The following SBF2 variants were observed in gnomAD, a reference collection of about 807,000 sequenced individuals.
SBF2 encodes myotubularin-related protein 13.
A neutral mutation model predicts 225.2 loss-of-function variants in SBF2; 112 were observed. The observed-to-expected ratio is 0.50, with a 90% confidence interval of 0.43 to 0.58. The LOEUF is 0.58. SBF2 is among the 20% of genes least tolerant of loss of function. The probability of loss-of-function intolerance (pLI) is 0.00; values close to 1 mark genes in which losing one functional copy is unlikely to be tolerated. For synonymous variants in SBF2, 763 were observed against 773.3 expected, an observed-to-expected ratio of 0.99 and a Z score of 0.22; for missense variants, 1,996 against 2,206.2, an observed-to-expected ratio of 0.90 and a Z score of 1.91.
intron 16 of SBF2, among the ~76,000 whole-genome samples, chr11:9,944,434 T>C (rs1186997009): frequency 6.6e-6 from 1 of 152,158 alleles, no homozygotes; most frequent in Non-Finnish European, 1.5e-5. Context: ...TAGAAAACAA[T>C]ACCAAGTTGA....
intron 1 of SBF2, among the ~76,000 whole-genome samples, chr11:10,197,010 G>A (rs1003448959): frequency 8.6e-5 from 13 of 151,336 alleles, no homozygotes; most frequent in Non-Finnish European, 1.3e-4. Flanking sequence ...TACAATAAAC[G>A]TCTTTATTTA....
intron 31 of SBF2, 80 bp from the exon 32 acceptor site, chr11:9,808,265 G>A: frequency 8.3e-7 from 1 of 1,211,630 alleles, no homozygotes; most frequent in Non-Finnish European, 1.2e-6. Flanking sequence ...ACTTCCTTCT[G>A]ATGATAGCTA....
chr11:9,828,616 G>T, intron 28 of SBF2: 1 of 985,396 alleles, frequency 1.0e-6, no homozygotes, highest in East Asian at 1.1e-4. Flanking sequence ...ACCCTTTGGG[G>T]TTCCATCACA....
intron 1 of SBF2, among the ~76,000 whole-genome samples, chr11:10,211,831 C>T (rs554553813): frequency 2.0e-5 from 3 of 152,298 alleles, no homozygotes; most frequent in Non-Finnish European, 4.4e-5. Flanking sequence ...TAGTTAACTA[C>T]CAAGTGCCTG....
chr11:10,153,400 C>T (rs1280957097), intron 2 of SBF2, among the ~76,000 whole-genome samples: 1 of 152,070 alleles, frequency 6.6e-6, no homozygotes. Context: ...CAAAATCTCA[C>T]AATATTAGGA....
chr11:10,071,263 CTCTTT>C (rs1203966737), intron 2 of SBF2, among the ~76,000 whole-genome samples: 3 of 124,932 alleles, frequency 2.4e-5, no homozygotes, highest in Non-Finnish European at 3.3e-5. Flanking sequence ...TTCTCTCTCT[CTCTTT>C]TTTTTTTTTT....
chr11:9,853,540 C>G lies in SBF2; in HGVS notation c.2536G>C (p.Gly846Arg). ...TCTCTAATATCTGCAGAGTGATTAC[C>G]TGGTATCATGCAATGAAGGCTCTTG... ...HIKSLHCMIP[G>R]IVAMHIETLE... The change falls in exon 20 of 40, where the codon GGA (glycine) becomes CGA (arginine). Residue 846 changes from glycine (G) to arginine (R), a missense_variant and splice_region_variant. By Grantham distance (125) the Gly-to-Arg change is moderately radical. Coordinates refer to ENST00000256190, the MANE Select transcript of SBF2 (RefSeq NM_030962.4). 1 of 1,612,984 alleles carries G rather than the reference C, an allele frequency of 6.2e-7. No individual in the cohort carries two copies. The highest frequency in any genetic ancestry group is 8.5e-7 in the Non-Finnish European group (1 of 1,179,064).
chr11:9,901,062 T>C (rs920766670), intron 16 of SBF2, among the ~76,000 whole-genome samples: 1 of 152,188 alleles, frequency 6.6e-6, no homozygotes, highest in African/African-American at 2.4e-5. Flanking sequence ...ACTTATGGAT[T>C]TTTATTTCTT....
intron 16 of SBF2, among the ~76,000 whole-genome samples, chr11:9,943,017 GAA>G (rs1865374221): frequency 1.3e-5 from 2 of 151,874 alleles, no homozygotes; most frequent in African/African-American, 4.8e-5. Flanking sequence ...GAAAGAGAAA[GAA>G]AGATTGTGAT....
chr11:10,101,962 CTTGTT>C (rs1346622179), intron 2 of SBF2, among the ~76,000 whole-genome samples: 2 of 152,030 alleles, frequency 1.3e-5, no homozygotes, highest in Admixed American at 6.6e-5. Context: ...GAAACTTTGT[CTTGTT>C]TTATGTCCTT....
intron 1 of SBF2, among the ~76,000 whole-genome samples, chr11:10,275,704 C>T: frequency 6.6e-6 from 1 of 150,408 alleles, no homozygotes; most frequent in South Asian, 2.1e-4. Context: ...AAAACCAATA[C>T]ACTAGAAGGA....
At chr11:10,032,413 C>T (rs1949294908) in intron 3 of SBF2, among the ~76,000 whole-genome samples, 1 of 152,144 alleles carries the variant, frequency 6.6e-6, no homozygotes. Context: ...ACTTTGCTTC[C>T]TTGCTGCTCT....
At chr11:10,234,624 T>C (rs747933128) in intron 1 of SBF2, among the ~76,000 whole-genome samples, 52 of 152,334 alleles carry the variant, frequency 3.4e-4, no homozygotes, top group Admixed American at 1.8e-3. Context: ...CATGTGCAGC[T>C]ATAACAGCTT....
chr11:9,861,415 G>A (rs1364866765), intron 17 of SBF2, among the ~76,000 whole-genome samples: 2 of 152,178 alleles, frequency 1.3e-5, no homozygotes, highest in Non-Finnish European at 2.9e-5. Context: ...TGTAATCCAA[G>A]CACTTTGGGA....
chr11:10,227,752 T>C (rs538861605), intron 1 of SBF2, among the ~76,000 whole-genome samples: 2 of 152,282 alleles, frequency 1.3e-5, no homozygotes, highest in African/African-American at 4.8e-5. Context: ...ACTCAGGTAG[T>C]GTGATGCCTC....
In SBF2 at chr11:9,825,023, T is replaced by C. The variant is rs556118587; in HGVS notation, c.3793+4333A>G. On this transcript the variant is annotated intron_variant, in intron 28 of 39. Coordinates refer to ENST00000256190, the MANE Select transcript of SBF2 (RefSeq NM_030962.4). Reference sequence around the variant, plus strand: ...TGTATCTTAAACTTTAAAATAATAGTACTCTAAAAATTCAGAAAAATGATA... The same window carrying C: ...TGTATCTTAAACTTTAAAATAATAGCACTCTAAAAATTCAGAAAAATGATA... 2.0e-5 allele frequency among the ~76,000 whole-genome samples: 3 copies of C among 152,250 alleles called. No homozygotes were observed. The South Asian group carries it at 6.2e-4, about 32-fold the overall frequency.
At chr11:10,093,201 G>A (rs1951854636) in intron 2 of SBF2, among the ~76,000 whole-genome samples, 1 of 151,608 alleles carries the variant, frequency 6.6e-6, no homozygotes, top group African/African-American at 2.4e-5. Context: ...ATTTTCATTA[G>A]AGACAGTTTT....
intron 2 of SBF2, among the ~76,000 whole-genome samples, chr11:10,179,218 T>C (rs1428120492): frequency 2.6e-5 from 4 of 151,522 alleles, no homozygotes; most frequent in South Asian, 2.1e-4. Context: ...GCGGGAGGGA[T>C]AGCATTGGGA....
At chr11:10,169,582 A>C (rs1167792198) in intron 2 of SBF2, among the ~76,000 whole-genome samples, 1 of 152,160 alleles carries the variant, frequency 6.6e-6, no homozygotes, top group Non-Finnish European at 1.5e-5. Context: ...TTGTCTGTTG[A>C]TGGACACTTA....
Sources: allele counts gnomAD v4.1 joint callset (sites outside exome capture counted in the v4.1 genomes callset), GRCh38; gene constraint gnomAD v4.1.1; transcripts MANE v1.5; gene names NCBI Gene and HGNC (gene_info 2026-07-23, HGNC 2026-07-21).